The following SLC4A4 variants were observed in gnomAD, a reference collection of about 807,000 sequenced individuals.
SLC4A4 encodes the protein solute carrier family 4 member 4.
In SLC4A4, 27 loss-of-function variants were observed where a neutral mutation model predicts 111.5. The ratio of observed to expected loss-of-function variants is 0.24; its 90% CI spans 0.18 to 0.33. The LOEUF is 0.33. SLC4A4 is among the 10% of genes least tolerant of loss of function. The pLI, the probability that SLC4A4 is intolerant of heterozygous loss-of-function variation, is 1.00. For missense variants in SLC4A4, 909 were observed against 1,315.5 expected, an observed-to-expected ratio of 0.69 and a Z score of 4.78; for synonymous variants, 443 against 463.4, an observed-to-expected ratio of 0.96 and a Z score of 0.57.
At chr4:71,448,889 C>T (rs139135529) in intron 9 of SLC4A4, among the ~76,000 whole-genome samples, 1 of 152,270 alleles carries the variant, frequency 6.6e-6, no homozygotes, top group Non-Finnish European at 1.5e-5. Flanking sequence ...TGACTGAAAG[C>T]TTTATGGCTA....
intron 3 of SLC4A4, among the ~76,000 whole-genome samples, chr4:71,264,627 A>C (rs1722103883): frequency 6.6e-6 from 1 of 152,158 alleles, no homozygotes; most frequent in Middle Eastern, 3.2e-3. Flanking sequence ...AATTTACTGC[A>C]GATTCACCCA....
intron 16 of SLC4A4, among the ~76,000 whole-genome samples, chr4:71,510,049 G>T (rs965707833): frequency 6.6e-6 from 1 of 152,114 alleles, no homozygotes; most frequent in Non-Finnish European, 1.5e-5. Flanking sequence ...CTACTCTGGG[G>T]CAATGCAGCT....
At chr4:71,458,948 A>G (rs1426017863) in intron 12 of SLC4A4, among the ~76,000 whole-genome samples, 1 of 152,050 alleles carries the variant, frequency 6.6e-6, no homozygotes, top group Non-Finnish European at 1.5e-5. Flanking sequence ...AGTTAGGTAG[A>G]GATTGTCTGT....
At chr4:71,402,034 A>G (rs989590239) in intron 7 of SLC4A4, among the ~76,000 whole-genome samples, 1 of 152,198 alleles carries the variant, frequency 6.6e-6, no homozygotes, top group Non-Finnish European at 1.5e-5. Context: ...AAAGCATATT[A>G]GAATCATTTT....
chr4:71,444,709 A>G (rs907658756), intron 8 of SLC4A4, among the ~76,000 whole-genome samples: 6 of 152,222 alleles, frequency 3.9e-5, no homozygotes, highest in African/African-American at 1.4e-4. Context: ...GAGAGAAAAC[A>G]TATTTCAGGC....
chr4:71,567,788 T>C lies in SLC4A4; in HGVS notation c.*37T>C. 1 of 1,444,894 alleles carries C rather than the reference T, an allele frequency of 6.9e-7. No homozygotes were observed. The highest frequency in any genetic ancestry group is 9.4e-7 in the Non-Finnish European group (1 of 1,069,190). 89.5% of individuals were successfully genotyped at this position (1,444,894 alleles called of 1,614,324 possible). On this transcript the variant is annotated splice_region_variant and 3_prime_UTR_variant, in exon 26 of 26. Coordinates refer to ENST00000264485, the MANE Select transcript of SLC4A4 (RefSeq NM_001098484.3). ...ACTTTTTTTTTTCCTTTTTCTCTAGTCCTCCTAGAACTCCAGTAAAAGTTG... is the reference window on the plus strand; with the variant it reads ...ACTTTTTTTTTTCCTTTTTCTCTAGCCCTCCTAGAACTCCAGTAAAAGTTG...
chr4:71,067,118 A>G (rs983585424), intron 1 of SLC4A4, among the ~76,000 whole-genome samples: 16 of 109,746 alleles, frequency 1.5e-4, no homozygotes, highest in Admixed American at 1.4e-3. Flanking sequence ...GAAGTCTCTC[A>G]CACATGCAGA....
chr4:71,265,697 G>A (rs552445020), intron 3 of SLC4A4, among the ~76,000 whole-genome samples: 1 of 152,230 alleles, frequency 6.6e-6, no homozygotes, highest in African/African-American at 2.4e-5. Context: ...CCTAGGGATA[G>A]TTTTTTCACC....
intron 18 of SLC4A4, among the ~76,000 whole-genome samples, chr4:71,538,114 G>GA (rs936129274): frequency 6.6e-6 from 1 of 151,832 alleles, no homozygotes; most frequent in South Asian, 2.1e-4. Flanking sequence ...TTTTTATTCT[G>GA]AAAAAAATTT....
intron 20 of SLC4A4, among the ~76,000 whole-genome samples, chr4:71,550,374 C>G (rs1182735147): frequency 6.6e-6 from 1 of 151,888 alleles, no homozygotes; most frequent in African/African-American, 2.4e-5. Context: ...GCGTTTATCA[C>G]AAATCCCTTG....
chr4:71,179,769 A>C (rs1463406782), intron 2 of SLC4A4, among the ~76,000 whole-genome samples: 2 of 152,228 alleles, frequency 1.3e-5, no homozygotes, highest in Admixed American at 1.3e-4. Flanking sequence ...GAAAATGGCC[A>C]TGCTGCCCAA....
At chr4:71,452,693 C>T (rs944906875) in intron 11 of SLC4A4, among the ~76,000 whole-genome samples, 4 of 152,136 alleles carry the variant, frequency 2.6e-5, no homozygotes, top group Non-Finnish European at 4.4e-5. Flanking sequence ...AGTAGACTGA[C>T]GTGCAAGTCA....
chr4:71,244,284 G>A (rs188960818), intron 2 of SLC4A4, among the ~76,000 whole-genome samples: 1 of 152,116 alleles, frequency 6.6e-6, no homozygotes, highest in Non-Finnish European at 1.5e-5. Context: ...TCTGTTCCTG[G>A]TCTGCCACTG....
chr4:71,555,431 C>CTT (rs765178010), intron 21 of SLC4A4, among the ~76,000 whole-genome samples: 7 of 151,948 alleles, frequency 4.6e-5, no homozygotes, highest in Non-Finnish European at 1.0e-4. Context: ...TTTAAATAGG[C>CTT]TGTTAAAAGT....
At chr4:71,087,143 T>C (rs1304165224) in intron 1 of SLC4A4, among the ~76,000 whole-genome samples, 1 of 152,084 alleles carries the variant, frequency 6.6e-6, no homozygotes, top group Non-Finnish European at 1.5e-5. Context: ...GGAGGGTGTA[T>C]GTATCGAGGA....
At chr4:71,173,695 C>T (rs1319251685) in intron 2 of SLC4A4, among the ~76,000 whole-genome samples, 1 of 152,140 alleles carries the variant, frequency 6.6e-6, no homozygotes, top group African/African-American at 2.4e-5. Context: ...ATTATCTAAC[C>T]CTTCTGGACC....
At chr4:71,335,946 G>C (rs944521650) in intron 3 of SLC4A4, among the ~76,000 whole-genome samples, 4 of 151,700 alleles carry the variant, frequency 2.6e-5, no homozygotes, top group Non-Finnish European at 4.4e-5. Context: ...TTTTTTTCTG[G>C]TATTGGTTTA....
intron 20 of SLC4A4, among the ~76,000 whole-genome samples, chr4:71,549,802 A>T (rs1735833418): frequency 6.6e-6 from 1 of 151,858 alleles, no homozygotes; most frequent in African/African-American, 2.4e-5. Flanking sequence ...CCTCTTCCTA[A>T]CTATTTTCTC....
At chr4:71,411,180 T>A (rs1721330377) in intron 7 of SLC4A4, among the ~76,000 whole-genome samples, 1 of 152,182 alleles carries the variant, frequency 6.6e-6, no homozygotes, top group South Asian at 2.1e-4. Flanking sequence ...TCTCCCGTCC[T>A]GACTTTACTA....
Sources: allele counts gnomAD v4.1 joint callset (sites outside exome capture counted in the v4.1 genomes callset), GRCh38; gene constraint gnomAD v4.1.1; transcripts MANE v1.5; gene names NCBI Gene and HGNC (gene_info 2026-07-23, HGNC 2026-07-21).